The following LRRTM4 variants were observed in gnomAD, a reference collection of about 807,000 sequenced individuals.
The protein encoded by LRRTM4 is leucine rich repeat transmembrane neuronal 4.
A neutral mutation model predicts 47.6 loss-of-function variants in LRRTM4; 25 were observed. The observed-to-expected ratio is 0.53, with a 90% CI of 0.38 to 0.73. The LOEUF is 0.73. LRRTM4 is among the 30% of genes least tolerant of loss of function. The pLI, the probability that LRRTM4 is intolerant of heterozygous loss-of-function variation, is 0.00. For missense variants in LRRTM4, 638 were observed against 713.4 expected (o/e 0.89, Z 1.20); for synonymous variants, 311 against 269.5 (o/e 1.15, Z -1.51).
intron 3 of LRRTM4, among the ~76,000 whole-genome samples, chr2:77,278,909 T>C (rs190883291): frequency 1.3e-5 from 2 of 152,140 alleles, no homozygotes; most frequent in African/African-American, 4.8e-5. Context: ...GTGCCCTTTG[T>C]ACTTTGGCTC....
rs1573359658 is a variant in LRRTM4, at chr2:76,951,633, ACT to A, written c.1552-202719_1552-202718del. On this transcript the variant is annotated intron_variant, in intron 3 of 3. Transcript: ENST00000409884. ...AGATAATAGATAATTTTTTTCTTTTACTTTAACTTCTGGGATACATATGCAGA... is the reference window on the plus strand; with the variant it reads ...AGATAATAGATAATTTTTTTCTTTTATTAACTTCTGGGATACATATGCAGA... Among the ~76,000 whole-genome samples the A allele has an allele frequency of 2.4e-4, 36 of 152,024 alleles. 1 individual carries two copies. The East Asian group carries it at 6.6e-3, about 28-fold the overall frequency.
intron 3 of LRRTM4, among the ~76,000 whole-genome samples, chr2:77,098,869 A>G (rs942161308): frequency 2.0e-5 from 3 of 152,050 alleles, no homozygotes; most frequent in Non-Finnish European, 4.4e-5. Context: ...AAGTCAATAA[A>G]AAAGGAAAAA....
intron 3 of LRRTM4, among the ~76,000 whole-genome samples, chr2:77,377,878 T>C (rs1672896847): frequency 6.6e-6 from 1 of 152,030 alleles, no homozygotes; most frequent in Admixed American, 6.6e-5. Context: ...GCAAACACAT[T>C]ATTTTGTCTT....
intron 3 of LRRTM4, among the ~76,000 whole-genome samples, chr2:76,950,496 G>A (rs1675460092): frequency 6.6e-6 from 1 of 151,694 alleles, no homozygotes; most frequent in Admixed American, 6.6e-5. Context: ...CTTCAAAACA[G>A]GAAAAATGAA....
intron 3 of LRRTM4, among the ~76,000 whole-genome samples, chr2:76,895,689 C>G (rs74699005): frequency 0.01 from 1,589 of 152,092 alleles, 34 homozygotes; most frequent in African/African-American, 0.035. Context: ...GCCTTCATCA[C>G]GCCATCGGAA....
At chr2:77,446,548 CA>C (rs1676059932) in intron 3 of LRRTM4, among the ~76,000 whole-genome samples, 1 of 152,068 alleles carries the variant, frequency 6.6e-6, no homozygotes, top group Non-Finnish European at 1.5e-5. Flanking sequence ...CAGCGATTTG[CA>C]ATAATTAGCC....
intron 3 of LRRTM4, among the ~76,000 whole-genome samples, chr2:76,794,898 A>AGAAAAATTAAGATTTAAATGCT (rs1675185602): frequency 6.6e-6 from 1 of 152,178 alleles, no homozygotes; most frequent in Non-Finnish European, 1.5e-5. Flanking sequence ...CCACAGTTGT[A>AGAAAAATTAAGATTTAAATGCT]GAAAAATTAA....
intron 3 of LRRTM4, among the ~76,000 whole-genome samples, chr2:77,003,065 CTGTT>C (rs1335678105): frequency 2.6e-5 from 4 of 151,812 alleles, no homozygotes; most frequent in Non-Finnish European, 5.9e-5. Context: ...AGTATAATTT[CTGTT>C]TATTTTTAAT....
intron 3 of LRRTM4, among the ~76,000 whole-genome samples, chr2:77,174,918 G>T (rs1209122265): frequency 1.3e-5 from 2 of 151,728 alleles, no homozygotes; most frequent in African/African-American, 4.8e-5. Context: ...AATCTTTTGT[G>T]CCCGGAGCTT....
chr2:77,219,983 G>A (rs932425894), intron 3 of LRRTM4, among the ~76,000 whole-genome samples: 3 of 151,992 alleles, frequency 2.0e-5, no homozygotes, highest in Admixed American at 1.3e-4. Context: ...CATTTCACAC[G>A]GCCGGATACT....
chr2:77,415,262 T>C (rs1674594394), intron 3 of LRRTM4, among the ~76,000 whole-genome samples: 2 of 152,188 alleles, frequency 1.3e-5, no homozygotes, highest in African/African-American at 4.8e-5. Flanking sequence ...CTTAATTACA[T>C]GTAACAGACT....
intron 3 of LRRTM4, among the ~76,000 whole-genome samples, chr2:77,153,022 A>C (rs550345059): frequency 6.6e-6 from 1 of 152,256 alleles, no homozygotes; most frequent in South Asian, 2.1e-4. Flanking sequence ...GTGCAATAGA[A>C]CTCTAAAAAG....
At chr2:77,035,376 G>A (rs1678800128) in intron 3 of LRRTM4, among the ~76,000 whole-genome samples, 1 of 151,814 alleles carries the variant, frequency 6.6e-6, no homozygotes, top group South Asian at 2.1e-4. Flanking sequence ...CCTGGCTATT[G>A]ACATTGGTAT....
chr2:77,269,692 T>C (rs115598642), intron 3 of LRRTM4, among the ~76,000 whole-genome samples: 3,289 of 152,322 alleles, frequency 0.022, 119 homozygotes, highest in African/African-American at 0.074. Flanking sequence ...AGGATCTTTG[T>C]TAAATTATTT....
intron 3 of LRRTM4, among the ~76,000 whole-genome samples, chr2:76,770,168 C>CT (rs911174739): frequency 1.3e-5 from 2 of 152,092 alleles, no homozygotes; most frequent in Non-Finnish European, 2.9e-5. Context: ...GGAAAATGGA[C>CT]TTTTTTCATG....
rs182771303 is a variant in LRRTM4, at chr2:77,105,468, A to G, written c.1552-356552T>C. On this transcript the variant is annotated intron_variant, in intron 3 of 3. Transcript: ENST00000409884. The stretch of plus-strand genomic sequence containing the variant: ...GGTGGGAATTGAACAATGAGAACAC[A>G]TGGACACAGGAAGGGGAACATCACA... 3.4e-4 allele frequency among the ~76,000 whole-genome samples: 45 copies of G among 131,994 alleles called. No homozygotes were observed. The Admixed American group carries it at 3.6e-3, about 11-fold the overall frequency. 86.6% of individuals were successfully genotyped at this position (131,994 alleles called of 152,430 possible).
At position 76,834,819 on chromosome 2, in the gene LRRTM4, C is replaced by A. The variant is rs144477528; in HGVS notation, c.1552-85903G>T. On this transcript the variant is annotated intron_variant, in intron 3 of 3. Coordinates refer to ENST00000409884, the MANE Select transcript of LRRTM4 (RefSeq NM_001134745.3). ...AATGAAAATAGAAGAAATACCAGGG[C>A]ATATTATGTTATGCAATAGTACTTG... Among the ~76,000 whole-genome samples the A allele has an allele frequency of 1.0e-3, 152 of 152,174 alleles. 1 individual carries two copies. The highest frequency in any genetic ancestry group is 6.8e-3 in the Middle Eastern group (2 of 294).
intron 3 of LRRTM4, among the ~76,000 whole-genome samples, chr2:77,243,431 A>AT (rs979724644): frequency 2.6e-5 from 1 of 38,314 alleles, no homozygotes; most frequent in Non-Finnish European, 6.0e-5. Context: ...AAAATAAAAA[A>AT]AATAAAAAAA....
intron 3 of LRRTM4, among the ~76,000 whole-genome samples, chr2:76,926,211 G>A (rs1223911258): frequency 6.6e-6 from 1 of 152,082 alleles, no homozygotes; most frequent in Non-Finnish European, 1.5e-5. Context: ...GTGTCTAGGA[G>A]TACTTTTATA....
Sources: gnomAD v4.1 joint callset for allele counts (sites outside exome capture counted in the v4.1 genomes callset) on GRCh38, gnomAD v4.1.1 for gene constraint, MANE v1.5 for transcripts, NCBI Gene and HGNC (gene_info 2026-07-23, HGNC 2026-07-21) for gene names.